NKAIN2: variants seen among roughly 807,000 people sequenced by gnomAD.
NKAIN2 encodes sodium/potassium transporting ATPase interacting 2, also known as sodium/potassium-transporting ATPase subunit beta-1-interacting protein 2.
Under a neutral mutation model 32.6 loss-of-function variants are expected in NKAIN2, and 14 were observed. The observed-to-expected ratio is 0.43, with a 90% CI of 0.28 to 0.67. The LOEUF (loss-of-function observed/expected upper bound fraction) is 0.67, where lower values mean the gene tolerates loss of function less well. Among genes scored for constraint, NKAIN2 ranks in the 30% least tolerant of loss-of-function variants. The pLI is 0.17. For missense variants in NKAIN2, 198 were observed against 258.3 expected, an observed-to-expected ratio of 0.77 and a Z score of 1.60; for synonymous variants, 80 against 87.2, an observed-to-expected ratio of 0.92 and a Z score of 0.46.
At chr6:124,342,812 GTTTT>G (rs1798196054) in intron 2 of NKAIN2, among the ~76,000 whole-genome samples, 2 of 86,426 alleles carry the variant, frequency 2.3e-5, no homozygotes, top group Admixed American at 2.8e-4. Context: ...CCCAGAAGAT[GTTTT>G]ATTATTATTA....
chr6:124,744,638 G>A (rs1482772704), intron 4 of NKAIN2, among the ~76,000 whole-genome samples: 5 of 151,600 alleles, frequency 3.3e-5, no homozygotes, highest in Admixed American at 1.3e-4. Context: ...CAGCCACTTC[G>A]AAAGTAAGTA....
intron 1 of NKAIN2, among the ~76,000 whole-genome samples, chr6:124,012,135 A>G (rs775278314): frequency 1.1e-4 from 17 of 152,074 alleles, no homozygotes; most frequent in Non-Finnish European, 1.8e-4. Context: ...GCATGAAATC[A>G]TTACCATAAT....
intron 2 of NKAIN2, among the ~76,000 whole-genome samples, chr6:124,315,845 T>G (rs1252894528): frequency 6.6e-6 from 1 of 152,152 alleles, no homozygotes; most frequent in African/African-American, 2.4e-5. Context: ...CTTATATCTC[T>G]TCTTATTCAA....
chr6:124,049,158 A>C (rs990862792), intron 1 of NKAIN2, among the ~76,000 whole-genome samples: 3 of 152,086 alleles, frequency 2.0e-5, no homozygotes, highest in African/African-American at 7.2e-5. Flanking sequence ...TCCAATATTT[A>C]AAATTACAAG....
chr6:124,624,209 G>A (rs781525673), intron 3 of NKAIN2, among the ~76,000 whole-genome samples: 4 of 152,142 alleles, frequency 2.6e-5, no homozygotes, highest in South Asian at 2.1e-4. Context: ...TGCATATAGC[G>A]AATCCCAGAT....
At chr6:124,745,954 GGGATGTTTCCAGTTTCA>G (rs1370182399) in intron 4 of NKAIN2, among the ~76,000 whole-genome samples, 1 of 151,938 alleles carries the variant, frequency 6.6e-6, no homozygotes, top group East Asian at 1.9e-4. Context: ...AGAGCAATGG[GGGATGTTTCCAGTTTCA>G]GGTATCAATG....
chr6:124,345,492 A>G (rs1210565938), intron 2 of NKAIN2, among the ~76,000 whole-genome samples: 1 of 152,002 alleles, frequency 6.6e-6, no homozygotes, highest in Non-Finnish European at 1.5e-5. Flanking sequence ...TAAGCTATTG[A>G]TTATTGCCAC....
intron 3 of NKAIN2, among the ~76,000 whole-genome samples, chr6:124,392,177 T>C (rs999404364): frequency 1.3e-5 from 2 of 152,164 alleles, no homozygotes; most frequent in African/African-American, 4.8e-5. Context: ...CTTTTTTATT[T>C]CTCATTGTTT....
At chr6:123,857,982 T>C (rs988765817) in intron 1 of NKAIN2, among the ~76,000 whole-genome samples, 8 of 152,216 alleles carry the variant, frequency 5.3e-5, no homozygotes, top group Admixed American at 2.6e-4. Flanking sequence ...ATAGTGTGAA[T>C]GTGTTCTTTC....
At chr6:124,321,484 G>GT (rs1193180835) in intron 2 of NKAIN2, among the ~76,000 whole-genome samples, 2 of 152,138 alleles carry the variant, frequency 1.3e-5, no homozygotes, top group East Asian at 3.9e-4. Flanking sequence ...TTAAAAAAGA[G>GT]TTTTGCTAAG....
chr6:124,667,175 A>G (rs1415225396), intron 4 of NKAIN2, among the ~76,000 whole-genome samples: 6 of 152,148 alleles, frequency 3.9e-5, no homozygotes, highest in Non-Finnish European at 7.4e-5. Flanking sequence ...ATATTTTTCT[A>G]TGTGTACTGT....
At chr6:124,321,471 A>T (rs1368439200) in intron 2 of NKAIN2, among the ~76,000 whole-genome samples, 3 of 152,170 alleles carry the variant, frequency 2.0e-5, no homozygotes, top group Non-Finnish European at 4.4e-5. Context: ...AGTATAATAA[A>T]AATTAAAAAA....
At chr6:124,490,703 A>G (rs1048422443) in intron 3 of NKAIN2, among the ~76,000 whole-genome samples, 1 of 151,776 alleles carries the variant, frequency 6.6e-6, no homozygotes, top group African/African-American at 2.4e-5. Flanking sequence ...CTCATTTAGA[A>G]TATCTTCTAC....
chr6:124,006,918 T>C (rs923085393), intron 1 of NKAIN2, among the ~76,000 whole-genome samples: 10 of 152,188 alleles, frequency 6.6e-5, no homozygotes, highest in African/African-American at 2.4e-4. Flanking sequence ...GAAATAGCTT[T>C]TGTGACTGAC....
At chr6:124,458,169 G>C (rs1776394452) in intron 3 of NKAIN2, among the ~76,000 whole-genome samples, 1 of 151,866 alleles carries the variant, frequency 6.6e-6, no homozygotes, top group African/African-American at 2.4e-5. Context: ...TATTGAAAAA[G>C]TAAAGTATTG....
intron 1 of NKAIN2, among the ~76,000 whole-genome samples, chr6:124,158,303 T>G (rs1240406398): frequency 6.6e-6 from 1 of 152,132 alleles, no homozygotes; most frequent in African/African-American, 2.4e-5. Context: ...AGGACCCACC[T>G]TAGTGTCCTC....
chr6:123,810,274 C>A (rs1220041936), intron 1 of NKAIN2, among the ~76,000 whole-genome samples: 1 of 152,132 alleles, frequency 6.6e-6, no homozygotes, highest in Non-Finnish European at 1.5e-5. Context: ...TGCCACACTG[C>A]ATCCCTTCCA....
chr6:124,807,867 T>C (rs1354136450), intron 5 of NKAIN2, among the ~76,000 whole-genome samples: 3 of 150,664 alleles, frequency 2.0e-5, no homozygotes. Flanking sequence ...TGTACACAAA[T>C]AAACTAGAAA....
intron 3 of NKAIN2, among the ~76,000 whole-genome samples, chr6:124,391,980 A>T (rs756072698): frequency 1.5e-4 from 23 of 152,152 alleles, no homozygotes; most frequent in Admixed American, 8.5e-4. Flanking sequence ...TTGTTACTTG[A>T]TGCCAAACAA....
Sources: gnomAD v4.1 joint callset for allele counts (sites outside exome capture counted in the v4.1 genomes callset) on GRCh38, gnomAD v4.1.1 for gene constraint, MANE v1.5 for transcripts, NCBI Gene and HGNC (gene_info 2026-07-23, HGNC 2026-07-21) for gene names.